Variants in DOK6 observed in about 807,000 individuals in gnomAD.
The protein encoded by DOK6 is downstream of tyrosine kinase 6.
In DOK6, 22 loss-of-function variants were observed where a neutral mutation model predicts 44.0. The observed-to-expected ratio is 0.50, with a 90% CI of 0.36 to 0.71. The LOEUF (loss-of-function observed/expected upper bound fraction) is 0.71, where lower values mean the gene tolerates loss of function less well. Among genes scored for constraint, DOK6 ranks in the 30% least tolerant of loss-of-function variants. The pLI, the probability that DOK6 is intolerant of heterozygous loss-of-function variation, is 0.00. For synonymous variants in DOK6, 166 were observed against 145.5 expected (o/e 1.14, Z -1.01); for missense variants, 340 against 416.4 (o/e 0.82, Z 1.60).
chr18:69,820,005 G>A lies in DOK6; in HGVS notation c.857-21239G>A, dbSNP rs549061110. 7.9e-5 allele frequency among the ~76,000 whole-genome samples: 12 copies of A among 152,264 alleles called. No individual in the cohort carries two copies. The South Asian group carries it at 1.0e-3, about 13-fold the overall frequency. ...TATGGATTTGTGTTGGGCCACATTC[G>A]TAGCTGTCCTGGGCTGCAGGTTAGA... On this transcript the variant is annotated intron_variant, in intron 7 of 7. Coordinates refer to ENST00000382713, the MANE Select transcript of DOK6 (RefSeq NM_152721.6).
intron 7 of DOK6, among the ~76,000 whole-genome samples, chr18:69,759,360 CATATGTTTAA>C (rs1237866904): frequency 6.6e-6 from 1 of 151,966 alleles, no homozygotes; most frequent in African/African-American, 2.4e-5. Flanking sequence ...TTTATTTAAA[CATATGTTTAA>C]ATATTGATAT....
At chr18:69,431,675 T>C (rs1978810427) in intron 1 of DOK6, among the ~76,000 whole-genome samples, 1 of 152,184 alleles carries the variant, frequency 6.6e-6, no homozygotes, top group African/African-American at 2.4e-5. Context: ...AATACAAGTG[T>C]ACACAATTTT....
intron 2 of DOK6, among the ~76,000 whole-genome samples, chr18:69,569,151 G>A (rs1983056255): frequency 6.6e-6 from 1 of 151,852 alleles, no homozygotes. Context: ...AGAAAGATTC[G>A]GCATCATTGT....
intron 1 of DOK6, among the ~76,000 whole-genome samples, chr18:69,407,101 G>A (rs561520600): frequency 6.6e-6 from 1 of 152,170 alleles, no homozygotes; most frequent in Non-Finnish European, 1.5e-5. Context: ...AGTTTACTAT[G>A]AAGCATATAT....
At chr18:69,540,852 C>T (rs753987267) in intron 1 of DOK6, among the ~76,000 whole-genome samples, 1 of 152,020 alleles carries the variant, frequency 6.6e-6, no homozygotes, top group African/African-American at 2.4e-5. Flanking sequence ...TAATATTTCT[C>T]TCTTTCATTT....
intron 7 of DOK6, among the ~76,000 whole-genome samples, chr18:69,758,773 G>A (rs1438990792): frequency 6.6e-6 from 1 of 152,174 alleles, no homozygotes; most frequent in Non-Finnish European, 1.5e-5. Flanking sequence ...GTATGACCAA[G>A]TATGACCCTC....
chr18:69,760,313 G>T (rs544563109), intron 7 of DOK6, among the ~76,000 whole-genome samples: 2 of 152,186 alleles, frequency 1.3e-5, no homozygotes, highest in South Asian at 2.1e-4. Context: ...GAACACGTAC[G>T]TTTTTCACAA....
chr18:69,778,839 T>G (rs1416969542), intron 7 of DOK6, among the ~76,000 whole-genome samples: 2 of 152,180 alleles, frequency 1.3e-5, no homozygotes, highest in Non-Finnish European at 2.9e-5. Context: ...TCTGAAAATA[T>G]AGCATAGTAC....
chr18:69,460,407 T>C (rs1375855617), intron 1 of DOK6, among the ~76,000 whole-genome samples: 1 of 152,172 alleles, frequency 6.6e-6, no homozygotes, highest in Non-Finnish European at 1.5e-5. Flanking sequence ...CAATCATATA[T>C]CAATAAAATA....
chr18:69,716,339 A>G (rs1986880361), intron 5 of DOK6, among the ~76,000 whole-genome samples: 1 of 152,242 alleles, frequency 6.6e-6, no homozygotes, highest in Non-Finnish European at 1.5e-5. Flanking sequence ...AAATGTCACC[A>G]TGCAATGCGA....
intron 5 of DOK6, among the ~76,000 whole-genome samples, chr18:69,726,454 T>C (rs1978307897): frequency 6.6e-6 from 1 of 152,100 alleles, no homozygotes; most frequent in Admixed American, 6.6e-5. Context: ...AGCCTCCAAA[T>C]TCAAACTATC....
At position 69,421,820 on chromosome 18, in the gene DOK6, T is replaced by C. The variant is rs113527187; in HGVS notation, c.66+20510T>C. Among the ~76,000 whole-genome samples the C allele has an allele frequency of 1.1e-3, 163 of 152,184 alleles. 1 individual carries two copies. The highest frequency in any genetic ancestry group is 3.7e-3 in the African/African-American group (153 of 41,530). ...TGCATGGGAAAGACACAGAAACTGGTGTGGGGTTACCAGGCTGATGATGTC... is the reference window on the plus strand; with the variant it reads ...TGCATGGGAAAGACACAGAAACTGGCGTGGGGTTACCAGGCTGATGATGTC... On this transcript the variant is annotated intron_variant, in intron 1 of 7. Transcript: ENST00000382713.
At position 69,808,640 on chromosome 18, in the gene DOK6, C is replaced by T. The variant is rs1015147617; in HGVS notation, c.857-32604C>T. Among the ~76,000 whole-genome samples, 9 of 151,766 alleles carry T rather than the reference C, an allele frequency of 5.9e-5. No individual in the cohort carries two copies. The East Asian group carries it at 9.6e-4, about 16-fold the overall frequency. ...TTACCACTACAGTAATGCAAAGGAT[C>T]GTAAGACACTGCTAGAACAATTATA... On this transcript the variant is annotated intron_variant, in intron 7 of 7. Transcript: ENST00000382713.
intron 7 of DOK6, among the ~76,000 whole-genome samples, chr18:69,784,975 C>T (rs1980386783): frequency 6.6e-6 from 1 of 152,154 alleles, no homozygotes; most frequent in Non-Finnish European, 1.5e-5. Context: ...ACTACGGCAA[C>T]ACTTTAGACT....
intron 3 of DOK6, among the ~76,000 whole-genome samples, chr18:69,647,084 C>CCTAT (rs373064948): frequency 1.4e-3 from 180 of 129,578 alleles, no homozygotes; most frequent in Non-Finnish European, 2.3e-3. Context: ...ATCTGTCTAT[C>CCTAT]CTATCTGTCT....
At chr18:69,496,199 C>T (rs1350086696) in intron 1 of DOK6, among the ~76,000 whole-genome samples, 2 of 152,222 alleles carry the variant, frequency 1.3e-5, no homozygotes, top group African/African-American at 4.8e-5. Context: ...TCACCGTCAA[C>T]GAGGGAGGCC....
intron 4 of DOK6, among the ~76,000 whole-genome samples, chr18:69,693,312 GAAAAAAAAA>G: frequency 7.9e-6 from 1 of 126,140 alleles, no homozygotes; most frequent in African/African-American, 3.0e-5. Flanking sequence ...CTTCTTTGAA[GAAAAAAAAA>G]AAAAAAAAAA....
At chr18:69,553,286 A>C (rs971072159) in intron 1 of DOK6, among the ~76,000 whole-genome samples, 1 of 152,228 alleles carries the variant, frequency 6.6e-6, no homozygotes, top group Non-Finnish European at 1.5e-5. Context: ...GTGTAAGTCT[A>C]TTCTAAAGAC....
chr18:69,449,422 A>C (rs934613965), intron 1 of DOK6, among the ~76,000 whole-genome samples: 1 of 152,228 alleles, frequency 6.6e-6, no homozygotes, highest in African/African-American at 2.4e-5. Context: ...GCTAGATAAT[A>C]AGTTCATATC....
Sources: allele counts gnomAD v4.1 joint callset (sites outside exome capture counted in the v4.1 genomes callset), GRCh38; gene constraint gnomAD v4.1.1; transcripts MANE v1.5; gene names NCBI Gene and HGNC (gene_info 2026-07-23, HGNC 2026-07-21).